The following CCDC148 variants were observed in gnomAD, a reference collection of about 807,000 sequenced individuals.
The protein encoded by CCDC148 is coiled-coil domain containing 148.
A neutral mutation model predicts 85.7 loss-of-function variants in CCDC148; 89 were observed. The observed-to-expected ratio is 1.04, with a 90% confidence interval of 0.87 to 1.24. CCDC148 has a LOEUF of 1.24. Ranked by LOEUF, CCDC148 falls within the 50% of genes most tolerant of loss-of-function variation. CCDC148 has a pLI of 0.00. For synonymous variants in CCDC148, 230 were observed against 213.9 expected, an observed-to-expected ratio of 1.08 and a Z score of -0.66; for missense variants, 692 against 671.7, an observed-to-expected ratio of 1.03 and a Z score of -0.33.
At chr2:158,229,750 C>T (rs143893858) in intron 10 of CCDC148, among the ~76,000 whole-genome samples, 5 of 152,050 alleles carry the variant, frequency 3.3e-5, no homozygotes, top group African/African-American at 4.8e-5. Context: ...CTCATCTGTC[C>T]CCTCCTCTCC....
At chr2:158,289,952 A>G (rs1690809422) in intron 9 of CCDC148, among the ~76,000 whole-genome samples, 1 of 152,196 alleles carries the variant, frequency 6.6e-6, no homozygotes, top group African/African-American at 2.4e-5. Flanking sequence ...AGGCAAAACT[A>G]AATTATATTA....
intron 1 of CCDC148, among the ~76,000 whole-genome samples, chr2:158,404,463 G>A (rs2356094): frequency 2.0e-5 from 3 of 151,880 alleles, no homozygotes; most frequent in African/African-American, 7.3e-5. Context: ...ATTAGTTGGT[G>A]ATATGATCAC....
At chr2:158,443,515 A>AAAAAAAAAAAAAAAAAAAAAAAAGAAAAG (rs1553524474) in intron 1 of CCDC148, among the ~76,000 whole-genome samples, 15 of 100,854 alleles carry the variant, frequency 1.5e-4, no homozygotes, top group South Asian at 3.4e-4. Context: ...AAAAAAAAAA[A>AAAAAAAAAAAAAAAAAAAAAAAAGAAAAG]AAAAAAAAGA....
At chr2:158,301,791 C>T (rs1691455746) in intron 9 of CCDC148, among the ~76,000 whole-genome samples, 1 of 152,116 alleles carries the variant, frequency 6.6e-6, no homozygotes, top group African/African-American at 2.4e-5. Flanking sequence ...ATGGAAGAGC[C>T]TTGCTGGATT....
intron 11 of CCDC148, among the ~76,000 whole-genome samples, chr2:158,189,208 G>T (rs1685303465): frequency 6.6e-6 from 1 of 151,856 alleles, no homozygotes; most frequent in Non-Finnish European, 1.5e-5. Context: ...GGAATCTGAA[G>T]ATACCATTTG....
At chr2:158,454,569 T>A (rs1688527301) in intron 1 of CCDC148, among the ~76,000 whole-genome samples, 1 of 152,212 alleles carries the variant, frequency 6.6e-6, no homozygotes, top group South Asian at 2.1e-4. Flanking sequence ...GGCAAGATCA[T>A]TTGCAGAAGT....
At chr2:158,436,726 G>T (rs894189513) in intron 1 of CCDC148, among the ~76,000 whole-genome samples, 1 of 152,024 alleles carries the variant, frequency 6.6e-6, no homozygotes, top group Non-Finnish European at 1.5e-5. Flanking sequence ...TTGATAGACC[G>T]CTAGCAAGAC....
At position 158,444,785 on chromosome 2, in the gene CCDC148, G is replaced by GAA. The variant is rs11433320; in HGVS notation, c.25+11628_25+11629dup. On this transcript the variant is annotated intron_variant, in intron 1 of 13. Transcript: ENST00000283233. ...GGGTGACAGAGCGAGACCCTGTCTT[G>GAA]AAAAAAAAAAAAAAAAAAAAAAAAA... Among the ~76,000 whole-genome samples the GAA allele has an allele frequency of 7.7e-3, 512 of 66,564 alleles. 17 individuals are homozygous for GAA. The highest frequency in any genetic ancestry group is 0.041 in the East Asian group (91 of 2,222). 43.7% of individuals were successfully genotyped at this position (66,564 alleles called of 152,430 possible). A position where few individuals can be genotyped will look rare whatever the true frequency, so the allele number is the denominator to read the frequency against.
intron 2 of CCDC148, among the ~76,000 whole-genome samples, chr2:158,349,986 G>T (rs1683179872): frequency 6.6e-6 from 1 of 151,994 alleles, no homozygotes; most frequent in Admixed American, 6.6e-5. Flanking sequence ...GGGATTTTTT[G>T]AGATTTGCCA....
At chr2:158,193,099 T>C (rs1685497070) in intron 11 of CCDC148, among the ~76,000 whole-genome samples, 1 of 152,098 alleles carries the variant, frequency 6.6e-6, no homozygotes, top group African/African-American at 2.4e-5. Flanking sequence ...CTTTTGAATA[T>C]ACATCTTTCT....
intron 9 of CCDC148, among the ~76,000 whole-genome samples, chr2:158,282,899 C>G: frequency 1.3e-5 from 2 of 152,148 alleles, no homozygotes; most frequent in African/African-American, 2.4e-5. Context: ...CTACAGTAAC[C>G]AAAACAGCAT....
At chr2:158,412,374 GGGACTCCTAGTC>G (rs1279608839) in intron 1 of CCDC148, among the ~76,000 whole-genome samples, 1 of 152,094 alleles carries the variant, frequency 6.6e-6, no homozygotes, top group Non-Finnish European at 1.5e-5. Flanking sequence ...GATGAGGAAT[GGGACTCCTAGTC>G]GGTCATCTTG....
chr2:158,252,103 G>A (rs2204085), intron 9 of CCDC148, among the ~76,000 whole-genome samples: 117,004 of 151,618 alleles, frequency 0.77, 45,270 homozygotes, highest in Admixed American at 0.84. Flanking sequence ...AGCATTCCCA[G>A]TTAAATACTT....
chr2:158,226,878 C>A (rs1255305978), intron 10 of CCDC148, among the ~76,000 whole-genome samples: 4 of 152,168 alleles, frequency 2.6e-5, no homozygotes, highest in Admixed American at 2.6e-4. Flanking sequence ...TGGAAGCATT[C>A]CCTTTGAAAA....
chr2:158,196,395 G>T (rs1039026929), intron 11 of CCDC148, among the ~76,000 whole-genome samples: 1 of 152,072 alleles, frequency 6.6e-6, no homozygotes, highest in African/African-American at 2.4e-5. Flanking sequence ...TTACACCACA[G>T]AAATCAGCAC....
chr2:158,311,949 G>A (rs909391758), intron 8 of CCDC148, among the ~76,000 whole-genome samples: 13 of 152,090 alleles, frequency 8.5e-5, no homozygotes, highest in African/African-American at 4.8e-5. Context: ...GAGTAGCCTG[G>A]AAAACCTCTG....
intron 1 of CCDC148, among the ~76,000 whole-genome samples, chr2:158,378,127 G>A (rs1684729486): frequency 6.6e-6 from 1 of 152,048 alleles, no homozygotes; most frequent in South Asian, 2.1e-4. Flanking sequence ...AGCTGTGAAT[G>A]CAAAGGAAAA....
At chr2:158,363,499 T>C (rs925726780) in intron 1 of CCDC148, among the ~76,000 whole-genome samples, 8 of 152,046 alleles carry the variant, frequency 5.3e-5, no homozygotes, top group African/African-American at 1.9e-4. Flanking sequence ...GGGATGCAAG[T>C]CTGGTTCAAC....
intron 11 of CCDC148, among the ~76,000 whole-genome samples, chr2:158,187,247 T>A (rs1685197880): frequency 6.6e-6 from 1 of 151,990 alleles, no homozygotes; most frequent in African/African-American, 2.4e-5. Context: ...TAAATCTAGT[T>A]GCTGCTAGGA....
Sources: gnomAD v4.1 joint callset for allele counts (sites outside exome capture counted in the v4.1 genomes callset) on GRCh38, gnomAD v4.1.1 for gene constraint, MANE v1.5 for transcripts, NCBI Gene and HGNC (gene_info 2026-07-23, HGNC 2026-07-21) for gene names.